The following CFAP251 variants were observed in gnomAD, a reference collection of about 807,000 sequenced individuals.
CFAP251 encodes the protein cilia and flagella associated protein 251, also known as cilia- and flagella-associated protein 251.
Under a neutral mutation model 126.7 loss-of-function variants are expected in CFAP251, and 93 were observed. That is an observed-to-expected ratio of 0.73 (90% confidence interval 0.62 to 0.87). The LOEUF (loss-of-function observed/expected upper bound fraction) is 0.87, where lower values mean the gene tolerates loss of function less well. CFAP251 is among the 40% of genes least tolerant of loss of function. The probability of loss-of-function intolerance (pLI) is 0.00; values close to 1 mark genes in which losing one functional copy is unlikely to be tolerated. For missense variants in CFAP251, 1,287 were observed against 1,389.2 expected (o/e 0.93, Z 1.17); for synonymous variants, 503 against 506.9 (o/e 0.99, Z 0.10).
chr12:121,923,543 G>C (rs1159349337), intron 2 of CFAP251, 79 bp from the exon 3 acceptor site: 1 of 1,504,812 alleles, frequency 6.6e-7, no homozygotes, highest in African/African-American at 1.4e-5. Flanking sequence ...ACTAAGACTG[G>C]CTGACTGGGA....
rs1036582770 is a variant in CFAP251 at position 121,992,162 on chromosome 12, T to A, written c.3007-7554T>A. On this transcript the variant is annotated intron_variant, in intron 19 of 21. Transcript: ENST00000288912. ...GGGCCGCTCAGCTAGGACTCCTGCTTCTCTCAAGCCATCTTCACACGGGGG... is the reference window on the plus strand; with the variant it reads ...GGGCCGCTCAGCTAGGACTCCTGCTACTCTCAAGCCATCTTCACACGGGGG... 17 of 980,550 alleles carry A rather than the reference T, an allele frequency of 1.7e-5. No individual in the cohort carries two copies. The African/African-American group carries it at 3.0e-4, about 17-fold the overall frequency. The allele number at this position is 980,550 out of a possible 1,614,324, so 60.7% of individuals were successfully genotyped here.
intron 19 of CFAP251, among the ~76,000 whole-genome samples, chr12:121,990,204 C>T (rs1593005725): frequency 6.6e-6 from 1 of 152,242 alleles, no homozygotes; most frequent in Non-Finnish European, 1.5e-5. Context: ...CCAAGCCAAG[C>T]TGGGCCTGCC....
chr12:121,919,409 C>T (rs1880064938), intron 1 of CFAP251, among the ~76,000 whole-genome samples: 1 of 152,024 alleles, frequency 6.6e-6, no homozygotes. Context: ...TGCCAGAAGG[C>T]TTTCAAACTG....
At chr12:121,954,461 T>C (rs773199229) in intron 10 of CFAP251, 127 bp downstream of exon 10, 9 of 833,794 alleles carry the variant, frequency 1.1e-5, no homozygotes, top group Non-Finnish European at 1.3e-5. Context: ...GGTGGGAGGA[T>C]CACATGAGGC....
intron 3 of CFAP251, 126 bp downstream of exon 3, chr12:121,924,116 G>GTTT: frequency 6.4e-6 from 7 of 1,096,802 alleles, no homozygotes; most frequent in East Asian, 3.0e-5. Flanking sequence ...TAATAGACTT[G>GTTT]TGTTTTTTTT....
chr12:121,974,888 A>T lies in CFAP251; in HGVS notation c.2772-356A>T, dbSNP rs947495552. ...GTTCGTGGATCTAAAGTTACGGGTAAGGCTGCTCTGTCTGGGAGGATTGTG... is the reference window on the plus strand; with the variant it reads ...GTTCGTGGATCTAAAGTTACGGGTATGGCTGCTCTGTCTGGGAGGATTGTG... On this transcript the variant is annotated intron_variant, in intron 17 of 21. Coordinates refer to ENST00000288912, the MANE Select transcript of CFAP251 (RefSeq NM_144668.6). The surrounding 1 kb of genome is among the most constrained non-coding windows in gnomAD (Gnocchi z 4.6). Among the ~76,000 whole-genome samples, 4 of 152,154 alleles carry T rather than the reference A, an allele frequency of 2.6e-5. No individual in the cohort carries two copies. The highest frequency in any genetic ancestry group is 9.7e-5 in the African/African-American group (4 of 41,438).
chr12:121,977,759 T>G (rs186410028), intron 19 of CFAP251, among the ~76,000 whole-genome samples: 20 of 149,194 alleles, frequency 1.3e-4, no homozygotes, highest in South Asian at 8.5e-4. Context: ...ATCGAGACCA[T>G]CCTGGCTAAC....
chr12:122,001,985 G>A (rs1188001062), intron 21 of CFAP251: 1 of 231,630 alleles, frequency 4.3e-6, no homozygotes, highest in East Asian at 8.8e-5. Context: ...CACTTTGGGA[G>A]GCCAAGGCAG....
chr12:121,942,678 C>A, intron 6 of CFAP251, 33 bp downstream of exon 6: 2 of 1,542,850 alleles, frequency 1.3e-6, no homozygotes, highest in Admixed American at 1.8e-5. Context: ...TCAGCATCAG[C>A]GAGCTGGCCG....
chr12:121,928,672 A>ATACACG (rs1488736645), intron 3 of CFAP251, among the ~76,000 whole-genome samples: 1 of 19,310 alleles, frequency 5.2e-5, no homozygotes, highest in Admixed American at 3.4e-4. Flanking sequence ...ATATATACGT[A>ATACACG]TATATATATA....
At chr12:121,929,319 C>CAAAAAA (rs907807088) in intron 3 of CFAP251, among the ~76,000 whole-genome samples, 1 of 68,950 alleles carries the variant, frequency 1.5e-5, no homozygotes, top group Non-Finnish European at 2.9e-5. Context: ...GACTCCATCT[C>CAAAAAA]AAAAAAAAAA....
intron 19 of CFAP251, among the ~76,000 whole-genome samples, chr12:121,979,843 G>A (rs1015434271): frequency 6.6e-6 from 1 of 152,126 alleles, no homozygotes; most frequent in Non-Finnish European, 1.5e-5. Context: ...TGGGATTACA[G>A]GCGTGAGCCA....
Position 121,960,610 on chromosome 12 carries a change from A to C in CFAP251, c.2159A>C (p.Tyr720Ser). ...GATAGAAGTTTTACTGTGGCTGTTT[A>C]CATGCTGGTGGTCAGAAATGGACAG... ...TADRSFTVAV[Y>S]MLVVRNGQRV... The change falls in exon 14 of 22, where the codon TAC (tyrosine) becomes TCC (serine). Residue 720 changes from tyrosine (Y) to serine (S), a missense_variant. By Grantham distance (144) the Tyr-to-Ser change is moderately radical. Transcript: ENST00000288912. 6.2e-7 allele frequency: 1 copy of C among 1,614,160 alleles called. No homozygotes were observed. Among genetic ancestry groups the C allele is most frequent in the Middle Eastern group, 1.6e-4 (1 of 6,062 alleles).
rs115907828 is a variant in CFAP251 at position 121,990,659 on chromosome 12, C to T, written c.3007-9057C>T. On this transcript the variant is annotated intron_variant, in intron 19 of 21. Coordinates refer to ENST00000288912, the MANE Select transcript of CFAP251 (RefSeq NM_144668.6). ...TTGATGATGTTCTCCTGCATCTTGG[C>T]ACTGAATCTTCTAGAGCCACGGTAG... is the stretch of plus-strand genomic sequence containing the variant. Among the ~76,000 whole-genome samples, 256 of 152,294 alleles carry T rather than the reference C, an allele frequency of 1.7e-3. 2 individuals carry two copies. Among genetic ancestry groups the T allele is most frequent in the African/African-American group, 5.8e-3 (243 of 41,546 alleles).
intron 19 of CFAP251, chr12:121,996,753 A>C (rs1565926388): frequency 6.6e-6 from 1 of 152,186 alleles, no homozygotes; most frequent in Non-Finnish European, 1.5e-5. Flanking sequence ...TAGTAACACC[A>C]TCACCCGATC....
At chr12:121,968,382 G>A (rs1173054652) in intron 17 of CFAP251, among the ~76,000 whole-genome samples, 3 of 152,174 alleles carry the variant, frequency 2.0e-5, no homozygotes, top group Non-Finnish European at 2.9e-5. Flanking sequence ...CAGTTCAGGC[G>A]ATGTGACAGC....
intron 19 of CFAP251, among the ~76,000 whole-genome samples, chr12:121,987,938 C>T (rs1882789662): frequency 6.6e-6 from 1 of 151,996 alleles, no homozygotes; most frequent in African/African-American, 2.4e-5. Context: ...GCATCCAACA[C>T]TGGTTATTGC....
intron 19 of CFAP251, among the ~76,000 whole-genome samples, chr12:121,980,787 C>G (rs901934757): frequency 6.6e-6 from 1 of 152,214 alleles, no homozygotes; most frequent in East Asian, 1.9e-4. Flanking sequence ...AAATACCCAC[C>G]TCCTCTGGGT....
At chr12:121,979,394 A>T (rs1034200216) in intron 19 of CFAP251, among the ~76,000 whole-genome samples, 1 of 151,918 alleles carries the variant, frequency 6.6e-6, no homozygotes, top group African/African-American at 2.4e-5. Context: ...CGGAGCATTT[A>T]CTGACTATTC....
Sources: gnomAD v4.1 joint callset for allele counts (sites outside exome capture counted in the v4.1 genomes callset) on GRCh38, gnomAD v4.1.1 for gene constraint, Gnocchi (gnomAD v3.1) non-coding constraint, MANE v1.5 for transcripts, NCBI Gene and HGNC (gene_info 2026-07-23, HGNC 2026-07-21) for gene names.